Variants in ANKS1B observed in about 807,000 individuals in gnomAD.
ANKS1B encodes the protein ankyrin repeat and sterile alpha motif domain-containing protein 1B.
A neutral mutation model predicts 148.3 loss-of-function variants in ANKS1B; 36 were observed. The observed-to-expected ratio is 0.24, with a 90% CI of 0.19 to 0.32. ANKS1B has a LOEUF of 0.32. Among genes scored for constraint, ANKS1B ranks in the 10% least tolerant of loss-of-function variants. The pLI is 1.00. For synonymous variants in ANKS1B, 542 were observed against 560.8 expected, an observed-to-expected ratio of 0.97 and a Z score of 0.47; for missense variants, 1,157 against 1,542.6, an observed-to-expected ratio of 0.75 and a Z score of 4.19.
intron 17 of ANKS1B, among the ~76,000 whole-genome samples, chr12:98,863,597 A>G (rs921177263): frequency 6.6e-6 from 1 of 152,216 alleles, no homozygotes; most frequent in Non-Finnish European, 1.5e-5. Flanking sequence ...CAATGTTGGT[A>G]GGGAGGAAGG....
At chr12:98,986,118 T>A (rs1336510341) in intron 17 of ANKS1B, among the ~76,000 whole-genome samples, 19 of 152,202 alleles carry the variant, frequency 1.2e-4, no homozygotes, top group Admixed American at 1.2e-3. Flanking sequence ...GTTCTGTGTA[T>A]AATATTTCTA....
rs542020911 is a variant in ANKS1B at position 98,801,752 on chromosome 12, C to G, written c.3142-627G>C. On this transcript the variant is annotated intron_variant, in intron 20 of 26. Transcript: ENST00000683438. This position sits in a 1 kb window ranked among gnomAD's most constrained non-coding sequence, Gnocchi z 5.2. The stretch of plus-strand genomic sequence containing the variant: ...AGAAAACCTAACGTACCAATGAAGA[C>G]TAAACAGTGAAATGCCAAGTTTGGT... 7.9e-5 allele frequency among the ~76,000 whole-genome samples: 12 copies of G among 152,292 alleles called. No individual in the cohort carries two copies. The highest frequency in any genetic ancestry group is 2.6e-4 in the African/African-American group (11 of 41,562).
At chr12:99,511,595 G>A (rs185995536) in intron 9 of ANKS1B, among the ~76,000 whole-genome samples, 7 of 151,976 alleles carry the variant, frequency 4.6e-5, no homozygotes, top group South Asian at 2.1e-4. Flanking sequence ...AAAGGAGCCC[G>A]AATAGCCAAG....
chr12:99,141,935 G>A (rs916879508), intron 15 of ANKS1B, among the ~76,000 whole-genome samples: 7 of 151,862 alleles, frequency 4.6e-5, no homozygotes, highest in Admixed American at 1.3e-4. Flanking sequence ...CTTTCCCATG[G>A]AGCAAGCTTT....
chr12:98,916,998 T>C (rs1447643578), intron 17 of ANKS1B, among the ~76,000 whole-genome samples: 1 of 151,526 alleles, frequency 6.6e-6, no homozygotes, highest in African/African-American at 2.4e-5. Context: ...TCTCACTCTG[T>C]CACCCTGGCT....
chr12:99,618,406 T>G lies in ANKS1B; in HGVS notation c.1272+36661A>C, dbSNP rs1369337663. 3.9e-5 allele frequency among the ~76,000 whole-genome samples: 6 copies of G among 152,244 alleles called. No individual in the cohort carries two copies. The East Asian group carries it at 9.7e-4, about 25-fold the overall frequency. ...GTTGATTAGAGGCTTTTAGCACGCC[T>G]CAGTAACTTGGAAGTAGCATAAAAA... On this transcript the variant is annotated intron_variant, in intron 9 of 26. Transcript: ENST00000683438.
At chr12:99,589,396 G>C (rs1049822872) in intron 9 of ANKS1B, among the ~76,000 whole-genome samples, 1 of 152,032 alleles carries the variant, frequency 6.6e-6, no homozygotes, top group Non-Finnish European at 1.5e-5. Flanking sequence ...CCCTTCCCCA[G>C]GATTTTCAAT....
intron 9 of ANKS1B, among the ~76,000 whole-genome samples, chr12:99,560,992 G>T (rs1005987857): frequency 6.6e-6 from 1 of 151,556 alleles, no homozygotes; most frequent in African/African-American, 2.4e-5. Flanking sequence ...GACTACAGGC[G>T]CCTGCCACCA....
At chr12:99,508,669 A>T (rs975318999) in intron 9 of ANKS1B, among the ~76,000 whole-genome samples, 1 of 151,812 alleles carries the variant, frequency 6.6e-6, no homozygotes, top group Non-Finnish European at 1.5e-5. Flanking sequence ...ATCATATTGA[A>T]ATTTTAATGT....
intron 17 of ANKS1B, among the ~76,000 whole-genome samples, chr12:98,841,745 A>G (rs1364480990): frequency 6.6e-6 from 1 of 152,106 alleles, no homozygotes; most frequent in Non-Finnish European, 1.5e-5. Context: ...ATGAGTTCAA[A>G]AAGAGGAAAA....
At chr12:98,854,629 G>T (rs1438480951) in intron 17 of ANKS1B, among the ~76,000 whole-genome samples, 2 of 152,174 alleles carry the variant, frequency 1.3e-5, no homozygotes, top group African/African-American at 4.8e-5. Flanking sequence ...ATTCTAAATT[G>T]CTTTTTGCAA....
chr12:99,644,368 T>C (rs2153425068), intron 9 of ANKS1B, among the ~76,000 whole-genome samples: 1 of 152,232 alleles, frequency 6.6e-6, no homozygotes, highest in African/African-American at 2.4e-5. Flanking sequence ...CTCTACCATT[T>C]CCCCCGCTTT....
At chr12:99,325,135 G>C (rs1157879500) in intron 12 of ANKS1B, among the ~76,000 whole-genome samples, 1 of 151,992 alleles carries the variant, frequency 6.6e-6, no homozygotes, top group Non-Finnish European at 1.5e-5. Flanking sequence ...AAAATTCATA[G>C]AAAATGCATA....
intron 1 of ANKS1B, among the ~76,000 whole-genome samples, chr12:99,842,112 C>T (rs777143039): frequency 5.9e-5 from 9 of 151,992 alleles, no homozygotes; most frequent in East Asian, 1.9e-4. Flanking sequence ...GACATTTCTA[C>T]GGAGGTTTTG....
At chr12:98,739,510 G>A (rs1335301416), downstream of ANKS1B, among the ~76,000 whole-genome samples, 1 of 152,158 alleles carries the variant, frequency 6.6e-6, no homozygotes, top group Non-Finnish European at 1.5e-5. Flanking sequence ...AGCAAGGAAG[G>A]TAGCAGAGCT....
intron 17 of ANKS1B, among the ~76,000 whole-genome samples, chr12:98,946,502 G>A (rs1231873248): frequency 6.6e-6 from 1 of 152,172 alleles, no homozygotes; most frequent in African/African-American, 2.4e-5. Flanking sequence ...CTGCCTTCCA[G>A]TAGGAAGAGT....
chr12:99,084,860 G>T (rs1183983566), intron 16 of ANKS1B, 65 bp downstream of exon 16: 1 of 1,272,196 alleles, frequency 7.9e-7, no homozygotes, highest in Non-Finnish European at 1.1e-6. Flanking sequence ...AATACTCCTT[G>T]CATGCCTGGA....
At chr12:99,578,429 C>T (rs1180684255) in intron 9 of ANKS1B, among the ~76,000 whole-genome samples, 1 of 152,108 alleles carries the variant, frequency 6.6e-6, no homozygotes, top group Non-Finnish European at 1.5e-5. Flanking sequence ...TTTGTCTTTG[C>T]AGATTATGAT....
rs139389750 is a variant in ANKS1B, at chr12:99,863,798, G to A, written c.135-38409C>T. ...CAAAAGTCGATCCCCTTGGCCAAGC[G>A]TGGTGGCTCACGCCTGTAATCCCAG... On this transcript the variant is annotated intron_variant, in intron 1 of 26. Transcript: ENST00000683438. 8.3e-3 allele frequency among the ~76,000 whole-genome samples: 1,259 copies of A among 151,340 alleles called. 15 individuals are homozygous for A. Among genetic ancestry groups the A allele is most frequent in the African/African-American group, 0.027 (1,122 of 41,260 alleles).
Sources: allele counts gnomAD v4.1 joint callset (sites outside exome capture counted in the v4.1 genomes callset), GRCh38; gene constraint gnomAD v4.1.1; non-coding constraint Gnocchi (gnomAD v3.1); transcripts MANE v1.5; gene names NCBI Gene and HGNC (gene_info 2026-07-23, HGNC 2026-07-21).